PLXNA2: variants seen among roughly 807,000 people sequenced by gnomAD.
PLXNA2 encodes the protein plexin A2, also known as plexin-A2.
A neutral mutation model predicts 193.5 loss-of-function variants in PLXNA2; 91 were observed. That is an observed-to-expected ratio of 0.47 (90% CI 0.40 to 0.56). The LOEUF is 0.56. PLXNA2 is among the 20% of genes least tolerant of loss of function. PLXNA2 has a pLI of 0.00. For missense variants in PLXNA2, 1,995 were observed against 2,503.2 expected, an observed-to-expected ratio of 0.80 and a Z score of 4.33; for synonymous variants, 997 against 1,027.3, an observed-to-expected ratio of 0.97 and a Z score of 0.56.
In PLXNA2 at chr1:208,060,677, C is replaced by T. The variant is rs375303195; in HGVS notation, c.2738+9G>A. 5.5e-5 allele frequency: 88 copies of T among 1,608,980 alleles called. No individual in the cohort carries two copies. The African/African-American group carries it at 8.2e-4, about 15-fold the overall frequency. On this transcript the variant is annotated intron_variant, in intron 13 of 31. Transcript: ENST00000367033. ...CCCATGGGAAAAGGGCTGGCCAGGG[C>T]GGACTCACTGCTCAGCGATGATGTA...
chr1:208,106,574 C>G (rs1019012559), intron 4 of PLXNA2, among the ~76,000 whole-genome samples: 1 of 151,878 alleles, frequency 6.6e-6, no homozygotes, highest in Admixed American at 6.6e-5. Flanking sequence ...GTAGCTAGGA[C>G]AAATTAAGAT....
intron 4 of PLXNA2, among the ~76,000 whole-genome samples, chr1:208,121,546 A>G (rs1250199521): frequency 6.6e-6 from 1 of 151,978 alleles, no homozygotes; most frequent in Non-Finnish European, 1.5e-5. Context: ...TGGCTTTATA[A>G]GCATCTGGCA....
At chr1:208,215,566 T>C (rs559509228) in intron 2 of PLXNA2, among the ~76,000 whole-genome samples, 17 of 151,536 alleles carry the variant, frequency 1.1e-4, no homozygotes, top group African/African-American at 3.9e-4. Context: ...GAGGAAAGAA[T>C]GAAGGGAAGG....
At chr1:208,091,375 C>T (rs966858900) in intron 9 of PLXNA2, among the ~76,000 whole-genome samples, 10 of 152,340 alleles carry the variant, frequency 6.6e-5, no homozygotes, top group Admixed American at 5.2e-4. Context: ...TTAGAAGACA[C>T]AAGACTCCAT....
chr1:208,133,776 G>A (rs1668227114), intron 4 of PLXNA2, among the ~76,000 whole-genome samples: 1 of 152,194 alleles, frequency 6.6e-6, no homozygotes, highest in South Asian at 2.1e-4. Context: ...AAGGATGCTG[G>A]GCTAGACCAG....
At chr1:208,206,681 C>A (rs1670736814) in intron 3 of PLXNA2, among the ~76,000 whole-genome samples, 1 of 151,510 alleles carries the variant, frequency 6.6e-6, no homozygotes, top group African/African-American at 2.4e-5. Flanking sequence ...TGTTTGAATT[C>A]TTCCACCCTT....
intron 29 of PLXNA2, chr1:208,030,269 G>T: frequency 9.1e-6 from 9 of 985,502 alleles, no homozygotes; most frequent in Non-Finnish European, 9.6e-6. Flanking sequence ...ATTGAGGTCT[G>T]GTTAAGGAAA....
chr1:208,198,985 C>T (rs1402736433), intron 3 of PLXNA2, among the ~76,000 whole-genome samples: 1 of 152,158 alleles, frequency 6.6e-6, no homozygotes, highest in Non-Finnish European at 1.5e-5. Flanking sequence ...TTAACTGAAA[C>T]AAAACAAAAC....
At chr1:208,152,836 T>TCTTCACGCCTTTG (rs139360612) in intron 3 of PLXNA2, among the ~76,000 whole-genome samples, 22,397 of 151,596 alleles carry the variant, frequency 0.15, 2,146 homozygotes, top group East Asian at 0.33. Flanking sequence ...AGCTTTTTCG[T>TCTTCACGCCTTTG]CTTCACGCCT....
At chr1:208,106,175 C>T (rs576521140) in intron 4 of PLXNA2, among the ~76,000 whole-genome samples, 11 of 151,730 alleles carry the variant, frequency 7.2e-5, no homozygotes, top group African/African-American at 2.7e-4. Flanking sequence ...TTATTCTGTC[C>T]TCTAAGATGT....
intron 12 of PLXNA2, among the ~76,000 whole-genome samples, chr1:208,061,177 T>C (rs988784928): frequency 7.2e-5 from 11 of 152,220 alleles, no homozygotes; most frequent in African/African-American, 2.7e-4. Flanking sequence ...AGTCACGTAA[T>C]CTCTCTGAAC....
intron 20 of PLXNA2, 49 bp from the exon 21 acceptor site, chr1:208,043,252 G>T (rs777037099): frequency 6.3e-7 from 1 of 1,593,112 alleles, no homozygotes. Context: ...CCCAGTCGGG[G>T]GAGGAGAAAG....
intron 12 of PLXNA2, among the ~76,000 whole-genome samples, chr1:208,071,996 C>T (rs532462222): frequency 1.4e-4 from 21 of 152,210 alleles, no homozygotes; most frequent in African/African-American, 4.1e-4. Flanking sequence ...AGAATCTAGG[C>T]GAAACCAATC....
intron 1 of PLXNA2, among the ~76,000 whole-genome samples, chr1:208,233,362 A>G (rs186141663): frequency 2.0e-4 from 31 of 152,076 alleles, no homozygotes; most frequent in African/African-American, 6.5e-4. Flanking sequence ...GAAGCTTTCT[A>G]TTTTTCTCTA....
chr1:208,243,510 G>A (rs1187914134), intron 1 of PLXNA2, 133 bp downstream of exon 1: 1 of 152,074 alleles, frequency 6.6e-6, no homozygotes, highest in African/African-American at 2.4e-5. Context: ...CGCCCGCCGC[G>A]GCCAAGCCGG....
chr1:208,077,049 G>T (rs1183487012), intron 12 of PLXNA2, among the ~76,000 whole-genome samples: 2 of 151,452 alleles, frequency 1.3e-5, no homozygotes, highest in Non-Finnish European at 2.9e-5. Context: ...AAAATGAAAA[G>T]AAAAAAAATA....
At position 208,084,670 on chromosome 1, in the gene PLXNA2, G is replaced by C. The variant is rs895162673; in HGVS notation, c.2098-90C>G. The C allele has an allele frequency of 1.8e-5, 23 of 1,262,014 alleles. No homozygotes were observed. In the African/African-American group the frequency reaches 3.1e-4, roughly 17 times the overall value. 78.2% of individuals were successfully genotyped at this position (1,262,014 alleles called of 1,614,324 possible). A position where few individuals can be genotyped will look rare whatever the true frequency, so the allele number is the denominator to read the frequency against. The stretch of plus-strand genomic sequence containing the variant: ...GGCAGGCCCCTCTTGTATCAGGTGA[G>C]CTGCCCAAGAGCAGGATATTACCTC... On this transcript the variant is annotated intron_variant, in intron 9 of 31. Coordinates refer to ENST00000367033, the MANE Select transcript of PLXNA2 (RefSeq NM_025179.4).
At chr1:208,084,033 G>A (rs1349794072) in intron 10 of PLXNA2, among the ~76,000 whole-genome samples, 10 of 152,164 alleles carry the variant, frequency 6.6e-5, no homozygotes, top group African/African-American at 1.9e-4. Flanking sequence ...GACATTGCAC[G>A]CCTGTATCAA....
intron 9 of PLXNA2, among the ~76,000 whole-genome samples, chr1:208,088,306 G>A (rs193001252): frequency 3.9e-4 from 59 of 152,242 alleles, no homozygotes; most frequent in African/African-American, 1.1e-3. Context: ...CTCTGCCAGC[G>A]TTCTGTGCTG....
Sources: allele counts gnomAD v4.1 joint callset (sites outside exome capture counted in the v4.1 genomes callset), GRCh38; gene constraint gnomAD v4.1.1; transcripts MANE v1.5; gene names NCBI Gene and HGNC (gene_info 2026-07-23, HGNC 2026-07-21).